Variants in TPTE2 observed in about 807,000 individuals in gnomAD.
The protein encoded by TPTE2 is phosphatidylinositol 3,4,5-trisphosphate 3-phosphatase TPTE2.
TPTE2 carries 53 observed loss-of-function variants against 78.6 expected under a neutral mutation model. That is an observed-to-expected ratio of 0.67 (90% CI 0.54 to 0.85). TPTE2 has a LOEUF of 0.85. Ranked by LOEUF, TPTE2 falls within the 40% of genes least tolerant of loss-of-function variation. The pLI, the probability that TPTE2 is intolerant of heterozygous loss-of-function variation, is 0.00. For synonymous variants in TPTE2, 175 were observed against 206.2 expected (o/e 0.85, Z 1.30); for missense variants, 461 against 623.0 (o/e 0.74, Z 2.77).
At chr13:19,549,351 A>C in the TPTE2 span, among the ~76,000 whole-genome samples, 98,449 of 151,452 alleles carry the variant, frequency 0.65, 34,503 homozygotes, top group East Asian at 0.88. Context: ...AAGGACATGA[A>C]CAGACGATTC....
intron 3 of TPTE2, among the ~76,000 whole-genome samples, chr13:19,484,593 G>A (rs1333782720): frequency 6.6e-6 from 1 of 152,074 alleles, no homozygotes; most frequent in African/African-American, 2.4e-5. Context: ...TTGTAATGGG[G>A]TCTATCTCCC....
chr13:19,465,538 C>A, exon 8 of TPTE2: 2 of 1,602,868 alleles, frequency 1.2e-6, no homozygotes, highest in South Asian at 1.1e-5. Context: ...AATAATAAGT[C>A]GTAGAAGTCG....
At position 19,482,490 on chromosome 13, in the gene TPTE2, A is replaced by C. The variant is rs1411980445; in HGVS notation, c.177T>G (p.Tyr59Ter). ...TTTCAAACTTCAAACTGACTTACTC[A>C]TATGAAGCAACATTTTCAGCATCTT... Residue 59 changes from tyrosine to a stop codon, truncating the protein, a stop_gained and splice_region_variant, in exon 4 of 20, where the codon TAT becomes TAG. Coordinates refer to ENST00000400230, the Ensembl canonical transcript of TPTE2. LOFTEE classifies it high-confidence loss of function. The C allele has an allele frequency of 3.7e-6, 6 of 1,612,434 alleles. No homozygotes were observed. The African/African-American group carries it at 8.0e-5, about 22-fold the overall frequency.
At chr13:19,454,047 C>T (rs1878380458) in intron 10 of TPTE2, among the ~76,000 whole-genome samples, 1 of 152,164 alleles carries the variant, frequency 6.6e-6, no homozygotes, top group African/African-American at 2.4e-5. Context: ...ACCTTCCGTA[C>T]TTGCATGAGG....
At chr13:19,465,503 G>A (rs917754804) in exon 8 of TPTE2, 1 of 1,609,822 alleles carries the variant, frequency 6.2e-7, no homozygotes, top group Non-Finnish European at 8.5e-7. Context: ...CTTTTTTGAT[G>A]AAGCAGATGA....
upstream of TPTE2, chr13:19,506,021 AAGG>A (rs1170408861): frequency 2.6e-5 from 4 of 151,662 alleles, no homozygotes; most frequent in African/African-American, 9.7e-5. Context: ...CTGTATTTCC[AAGG>A]ATATGCCTGA....
chr13:19,512,329 T>C, intron 1 of TPTE2, among the ~76,000 whole-genome samples: 1 of 152,212 alleles, frequency 6.6e-6, no homozygotes, highest in Non-Finnish European at 1.5e-5. Flanking sequence ...TTTAATCTCA[T>C]AGTCTACTTT....
chr13:19,444,288 C>A (rs994676999), intron 13 of TPTE2, among the ~76,000 whole-genome samples: 1 of 108,284 alleles, frequency 9.2e-6, no homozygotes, highest in Admixed American at 1.3e-4. Context: ...GCCTGGGTGA[C>A]AGAATGAGAC....
intron 13 of TPTE2, among the ~76,000 whole-genome samples, chr13:19,440,703 G>A (rs934342550): frequency 6.6e-6 from 1 of 152,180 alleles, no homozygotes; most frequent in African/African-American, 2.4e-5. Flanking sequence ...CCAGGAGTCG[G>A]AGGTTGCAGT....
the TPTE2 span, among the ~76,000 whole-genome samples, chr13:19,550,495 A>G: frequency 6.6e-6 from 1 of 152,346 alleles, no homozygotes; most frequent in Non-Finnish European, 1.5e-5. Context: ...GTTACTGTAT[A>G]CAACGGAAAA....
rs555576442 is a variant in TPTE2, at chr13:19,435,362, T to C, written c.1116+864A>G. Among the ~76,000 whole-genome samples, 3 of 152,342 alleles carry C rather than the reference T, an allele frequency of 2.0e-5. No individual in the cohort carries two copies. In the East Asian group the frequency reaches 5.8e-4, roughly 29 times the overall value. ...AATGTCATACTAAAATGCTGTGGGATAAAATGATCTGACGACTGAAATTTC... is the reference window on the plus strand; with the variant it reads ...AATGTCATACTAAAATGCTGTGGGACAAAATGATCTGACGACTGAAATTTC... On this transcript the variant is annotated intron_variant, in intron 15 of 19. Coordinates refer to ENST00000400230, the Ensembl canonical transcript of TPTE2.
chr13:19,521,740 C>CATAACTTTTTCTGTTATGTATACAT (rs1870163926), intron 1 of TPTE2, among the ~76,000 whole-genome samples: 3 of 152,038 alleles, frequency 2.0e-5, no homozygotes, highest in Non-Finnish European at 4.4e-5. Flanking sequence ...AACTTAATTA[C>CATAACTTTTTCTGTTATGTATACAT]AACAGTATAC....
At chr13:19,456,424 T>C (rs541107980) in intron 10 of TPTE2, among the ~76,000 whole-genome samples, 1 of 152,280 alleles carries the variant, frequency 6.6e-6, no homozygotes, top group South Asian at 2.1e-4. Context: ...GCCACTGCAC[T>C]CCAGCCTGTG....
intron 4 of TPTE2, among the ~76,000 whole-genome samples, chr13:19,476,976 G>A (rs527374646): frequency 6.6e-6 from 1 of 152,218 alleles, no homozygotes; most frequent in East Asian, 1.9e-4. Context: ...ACCCATCAAT[G>A]ACAGACTGGA....
At chr13:19,447,478 G>A (rs1877915903) in intron 13 of TPTE2, among the ~76,000 whole-genome samples, 1 of 151,940 alleles carries the variant, frequency 6.6e-6, no homozygotes, top group Non-Finnish European at 1.5e-5. Context: ...TCTTAACTAT[G>A]GTATTGTAAA....
the TPTE2 span, chr13:19,552,427 C>A: frequency 1.0e-4 from 37 of 367,086 alleles, no homozygotes; most frequent in Non-Finnish European, 1.6e-4. Context: ...TTTAAAAAAA[C>A]CTTGTCAGAT....
chr13:19,507,683 G>T (rs1158426882), upstream of TPTE2, among the ~76,000 whole-genome samples: 1 of 152,206 alleles, frequency 6.6e-6, no homozygotes, highest in East Asian at 1.9e-4. Context: ...GCATGATTAT[G>T]AATAGAATAT....
chr13:19,549,392 CAT>C, the TPTE2 span, among the ~76,000 whole-genome samples: 32 of 152,252 alleles, frequency 2.1e-4, no homozygotes, highest in South Asian at 2.5e-3. Flanking sequence ...GGTCTGCAAA[CAT>C]ATGAAAAATG....
intron 13 of TPTE2, among the ~76,000 whole-genome samples, chr13:19,440,636 G>T (rs1246489956): frequency 2.6e-5 from 4 of 152,148 alleles, no homozygotes; most frequent in South Asian, 2.1e-4. Flanking sequence ...CAGGCATGGT[G>T]GTGCACACCT....
Sources: gnomAD v4.1 joint callset for allele counts (sites outside exome capture counted in the v4.1 genomes callset) on GRCh38, gnomAD v4.1.1 for gene constraint, MANE v1.5 for transcripts, NCBI Gene and HGNC (gene_info 2026-07-23, HGNC 2026-07-21) for gene names.